PRPF8: variants seen among roughly 807,000 people sequenced by gnomAD.
PRPF8 encodes pre-mRNA processing factor 8, also known as pre-mRNA-processing-splicing factor 8.
In PRPF8, 64 loss-of-function variants were observed where a neutral mutation model predicts 285.9. The observed-to-expected ratio is 0.22, with a 90% CI of 0.18 to 0.28. The LOEUF (loss-of-function observed/expected upper bound fraction) is 0.28. Among genes scored for constraint, PRPF8 ranks in the 10% least tolerant of loss-of-function variants. The pLI, the probability that PRPF8 is intolerant of heterozygous loss-of-function variation, is 1.00. For synonymous variants in PRPF8, 1,325 were observed against 1,118.2 expected (o/e 1.18, Z -3.69); for missense variants, 1,426 against 3,026.7 (o/e 0.47, Z 12.41).
chr17:1,667,752 C>T (rs1465898167), intron 24 of PRPF8, among the ~76,000 whole-genome samples: 1 of 152,168 alleles, frequency 6.6e-6, no homozygotes, highest in Non-Finnish European at 1.5e-5. Context: ...CCATATTGGC[C>T]AGGCTGGTCC....
Position 1,675,566 on chromosome 17 carries a change from G to T in PRPF8, c.2872+54C>A. The stretch of plus-strand genomic sequence containing the variant: ...ATGCTACCCAGATGAGATTTTTGAC[G>T]TAGAACTAAATTCCTGCCCCGTTCC... On this transcript the variant is annotated intron_variant, in intron 19 of 42. Transcript: ENST00000304992. The surrounding 1 kb of genome is among the most constrained non-coding windows in gnomAD (Gnocchi z 6.0). The T allele has an allele frequency of 1.2e-6, 2 of 1,606,744 alleles. No homozygotes were observed. Among genetic ancestry groups the T allele is most frequent in the South Asian group, 1.1e-5 (1 of 90,966 alleles).
chr17:1,672,876 G>A (rs866646401), intron 24 of PRPF8: 75 of 623,844 alleles, frequency 1.2e-4, no homozygotes, highest in African/African-American at 1.1e-3. Context: ...CAAGAAGGAG[G>A]CTACACAATT....
At chr17:1,684,176 C>T (rs1222838712) in intron 2 of PRPF8, among the ~76,000 whole-genome samples, 8 of 152,150 alleles carry the variant, frequency 5.3e-5, no homozygotes, top group Admixed American at 3.9e-4. Context: ...CGTGAGCCAC[C>T]GCGCCCGGCC....
intron 24 of PRPF8, 157 bp downstream of exon 24, chr17:1,672,924 C>T (rs543126424): frequency 2.7e-6 from 2 of 740,790 alleles, no homozygotes; most frequent in East Asian, 2.5e-5. Context: ...ATGAAGTGAC[C>T]TGACATACTA....
At chr17:1,666,586 G>A (rs74851456) in intron 24 of PRPF8, among the ~76,000 whole-genome samples, 6,687 of 151,134 alleles carry the variant, frequency 0.044, 508 homozygotes, top group African/African-American at 0.15. Flanking sequence ...AGAGAAAAAC[G>A]ATAAAAATTA....
intron 24 of PRPF8, among the ~76,000 whole-genome samples, chr17:1,662,483 GAA>G (rs1350720140): frequency 6.6e-6 from 1 of 151,864 alleles, no homozygotes; most frequent in Non-Finnish European, 1.5e-5. Context: ...CAGCTACTCA[GAA>G]GGCTGAGGCA....
At chr17:1,683,359 G>A (rs1913042724) in intron 3 of PRPF8, 174 bp downstream of exon 3, 3 of 743,220 alleles carry the variant, frequency 4.0e-6, no homozygotes, top group African/African-American at 1.7e-5. Flanking sequence ...GGGAAGAGAG[G>A]GGAAACAGAC....
At chr17:1,664,004 GA>G (rs1468258667) in intron 24 of PRPF8, among the ~76,000 whole-genome samples, 1 of 152,136 alleles carries the variant, frequency 6.6e-6, no homozygotes, top group Admixed American at 6.6e-5. Context: ...TGATGGACCT[GA>G]AAGACAATAA....
In PRPF8 at chr17:1,679,404, C is replaced by T. The variant is rs1043660285; in HGVS notation, c.1296G>A (p.Arg432=). 1 of 1,612,776 alleles carries T rather than the reference C, an allele frequency of 6.2e-7. No individual in the cohort carries two copies. Among genetic ancestry groups the T allele is most frequent in the Non-Finnish European group, 8.5e-7 (1 of 1,180,012 alleles). Reference sequence around the variant, plus strand: ...CAGGCTGCCCGGCAGGACAATGCTCCCGATACCTGGAAAAATAAGCCCACC... The same window carrying T: ...CAGGCTGCCCGGCAGGACAATGCTCTCGATACCTGGAAAAATAAGCCCACC... The part of the protein sequence containing the change: ...LDIPLVKNWY[R]EHCPAGQPVK... Residue 432 remains arginine, a synonymous_variant, in exon 10 of 43, where the codon CGG becomes CGA. Transcript: ENST00000304992. This position sits in a 1 kb window ranked among gnomAD's most constrained non-coding sequence, Gnocchi z 4.7.
rs1355313035 is a variant in PRPF8 at position 1,677,702 on chromosome 17, C to T, written c.1855-8G>A. 6.2e-7 allele frequency: 1 copy of T among 1,613,728 alleles called. No individual in the cohort carries two copies. The highest frequency in any genetic ancestry group is 2.2e-5 in the East Asian group (1 of 44,866). ...ACCCTTCCCTACAGGGCCCTACGAT[C>T]CCAAGCAGAAGTTAAGAATACAAGT... On this transcript the variant is annotated splice_region_variant and splice_polypyrimidine_tract_variant and intron_variant, in intron 13 of 42. Transcript: ENST00000304992.
intron 13 of PRPF8, 126 bp from the exon 14 acceptor site, chr17:1,677,820 G>A (rs878965247): frequency 4.5e-5 from 57 of 1,263,452 alleles, no homozygotes; most frequent in South Asian, 6.6e-5. Context: ...TGGCAGTAGA[G>A]GGGTAAAAAG....
At position 1,681,630 on chromosome 17, in the gene PRPF8, G is replaced by T; in HGVS notation, c.714C>A (p.Leu238=). The T allele has an allele frequency of 6.2e-7, 1 of 1,614,148 alleles. No homozygotes were observed. Among genetic ancestry groups the T allele is most frequent in the South Asian group, 1.1e-5 (1 of 91,070 alleles). Residue 238 remains leucine, a synonymous_variant, in exon 6 of 43, where the codon CTC becomes CTA. Transcript: ENST00000304992. Reference sequence around the variant, plus strand: ...TCAGGAGCTGATTAGCCAGGCGGTAGAGAGTCGACATCATAGGTAGTGTGA... The same window carrying T: ...TCAGGAGCTGATTAGCCAGGCGGTATAGAGTCGACATCATAGGTAGTGTGA... The part of the protein sequence containing the change: ...WQFTLPMMST[L]YRLANQLLTD...
In PRPF8 at chr17:1,658,823, C is replaced by G; in HGVS notation, c.5139-60G>C. ...GAGAATGACAGCCCCAGAAACAAGA[C>G]AAGCTGCCAACTCTACAGAGGAAGA... On this transcript the variant is annotated intron_variant, in intron 32 of 42. Coordinates refer to ENST00000304992, the MANE Select transcript of PRPF8 (RefSeq NM_006445.4). The surrounding 1 kb of genome is among the most constrained non-coding windows in gnomAD (Gnocchi z 4.1). The G allele has an allele frequency of 7.0e-7, 1 of 1,427,784 alleles. No individual in the cohort carries two copies. The highest frequency in any genetic ancestry group is 2.3e-5 in the East Asian group (1 of 43,942). 88.4% of individuals were successfully genotyped at this position (1,427,784 alleles called of 1,614,324 possible).
intron 8 of PRPF8, among the ~76,000 whole-genome samples, chr17:1,680,288 G>C (rs566656938): frequency 7.2e-5 from 11 of 152,328 alleles, no homozygotes; most frequent in Admixed American, 3.3e-4. Flanking sequence ...GGGAGAAATG[G>C]CGAGTAACTG....
At chr17:1,680,392 T>C in intron 8 of PRPF8, 1 of 408,770 alleles carries the variant, frequency 2.4e-6, no homozygotes, top group Non-Finnish European at 4.5e-6. Flanking sequence ...ACCATCAAAT[T>C]ACACACTTTA....
rs1567676480 is a variant in PRPF8 at position 1,655,436 on chromosome 17, G to A, written c.5901C>T (p.Ile1967=). The change falls in exon 37 of 43, where the codon ATC becomes ATT. Residue 1967 remains isoleucine (I), a synonymous_variant. Coordinates refer to ENST00000304992, the MANE Select transcript of PRPF8 (RefSeq NM_006445.4). ...DKTTITEPHH[I]WPTLTDEEWI... ...ATTCTTCGTCAGTCAGAGTGGGCCA[G>A]ATGTGGTGTGGTTCTGTAATAGTAG... The A allele has an allele frequency of 6.2e-7, 1 of 1,614,122 alleles. No homozygotes were observed.
At chr17:1,683,358 G>A (rs1913042630) in intron 3 of PRPF8, 175 bp downstream of exon 3, 2 of 740,102 alleles carry the variant, frequency 2.7e-6, no homozygotes, top group African/African-American at 1.7e-5. Flanking sequence ...CGGGAAGAGA[G>A]GGGAAACAGA....
At position 1,675,347 on chromosome 17, in the gene PRPF8, G is replaced by A. The variant is rs552555158; in HGVS notation, c.2873-8C>T. On this transcript the variant is annotated splice_region_variant and splice_polypyrimidine_tract_variant and intron_variant, in intron 19 of 42. Transcript: ENST00000304992. This position sits in a 1 kb window ranked among gnomAD's most constrained non-coding sequence, Gnocchi z 6.0. ...CCTGCAGGTTATTGATGCCTGAGGA[G>A]TAGCAAGGCAGGTCTCCAGCAGGTT... 5 of 1,614,056 alleles carry A rather than the reference G, an allele frequency of 3.1e-6. No individual in the cohort carries two copies. The highest frequency in any genetic ancestry group is 2.2e-5 in the East Asian group (1 of 44,886).
chr17:1,674,027 T>C (rs995146637), intron 21 of PRPF8, 135 bp from the exon 22 acceptor site: 1 of 995,884 alleles, frequency 1.0e-6, no homozygotes, highest in African/African-American at 1.6e-5. Flanking sequence ...CATTTTATTT[T>C]TATTTATTTA....
Sources: allele counts gnomAD v4.1 joint callset (sites outside exome capture counted in the v4.1 genomes callset), GRCh38; gene constraint gnomAD v4.1.1; non-coding constraint Gnocchi (gnomAD v3.1); transcripts MANE v1.5; gene names NCBI Gene and HGNC (gene_info 2026-07-23, HGNC 2026-07-21).